The following CISTR variants were observed in gnomAD, a reference collection of about 807,000 sequenced individuals.
CISTR encodes the protein chondrogenic regulator lncRNA.
intron 2 of CISTR, among the ~76,000 whole-genome samples, chr12:53,748,726 ACCAGGGCCAGGG>A (rs1191808385): frequency 1.3e-5 from 2 of 151,876 alleles, no homozygotes; most frequent in Non-Finnish European, 2.9e-5. Context: ...CAGGGCCAGG[ACCAGGGCCAGGG>A]CCAGGGCCGA....
chr12:53,752,098 G>T (rs1466404043), intron 1 of CISTR, among the ~76,000 whole-genome samples: 2 of 151,996 alleles, frequency 1.3e-5, no homozygotes, highest in African/African-American at 4.8e-5. Context: ...GCCCGCTGGC[G>T]CTGCCTACAC....
chr12:53,746,801 C>T (rs950167130), exon 3 of CISTR, among the ~76,000 whole-genome samples: 1 of 152,176 alleles, frequency 6.6e-6, no homozygotes, highest in South Asian at 2.1e-4. Context: ...CTTCGCAGAT[C>T]GCTGCTGAGA....
Position 53,755,723 on chromosome 12 carries a change from C to T in CISTR, n.414+1091G>A, listed in dbSNP as rs137877691. 877 of 152,522 alleles carry T rather than the reference C, an allele frequency of 5.7e-3. 5 individuals are homozygous for T. Among genetic ancestry groups the T allele is most frequent in the Middle Eastern group, 0.017 (5 of 294 alleles). The allele number at this position is 152,522 out of a possible 1,614,324, so 9.4% of individuals were successfully genotyped here. A position where few individuals can be genotyped will look rare whatever the true frequency, so the allele number is the denominator to read the frequency against. On this transcript the variant is annotated intron_variant and non_coding_transcript_variant, in intron 1 of 2. Transcript: ENST00000669269. ...GCGTCTCTGGAGGGTCCCCTCTCTA[C>T]GCTCTTTGCCCATCCCAGCCTTTGG...
At chr12:53,746,677 C>T (rs981250979) in exon 3 of CISTR, among the ~76,000 whole-genome samples, 3 of 152,252 alleles carry the variant, frequency 2.0e-5, no homozygotes, top group African/African-American at 4.8e-5. Flanking sequence ...TAAAGACGTC[C>T]CCGGCCTAGG....
In CISTR at chr12:53,751,924, G is replaced by A. The variant is rs1300878017; in HGVS notation, n.415-959C>T. On this transcript the variant is annotated intron_variant and non_coding_transcript_variant, in intron 1 of 2. Coordinates refer to ENST00000669269, the Ensembl canonical transcript of CISTR. The surrounding 1 kb of genome is among the most constrained non-coding windows in gnomAD (Gnocchi z 4.6). The stretch of plus-strand genomic sequence containing the variant: ...TGACTCCAGCTCCCCCTCGGTGCCC[G>A]TAACCCTCCTTTCCTCTTTTTGCCG... 2.0e-5 allele frequency: 3 copies of A among 153,098 alleles called. No homozygotes were observed. Among genetic ancestry groups the A allele is most frequent in the Admixed American group, 1.3e-4 (2 of 15,266 alleles). 9.5% of individuals were successfully genotyped at this position (153,098 alleles called of 1,614,324 possible).
At chr12:53,755,608 C>A (rs1937905885) in intron 1 of CISTR, among the ~76,000 whole-genome samples, 1 of 151,882 alleles carries the variant, frequency 6.6e-6, no homozygotes. Context: ...TTACAGTAAG[C>A]CCTGAACATT....
In CISTR at chr12:53,753,450, C is replaced by G. The variant is rs1410617231; in HGVS notation, n.415-2485G>C. On this transcript the variant is annotated intron_variant and non_coding_transcript_variant, in intron 1 of 2. Coordinates refer to ENST00000669269, the Ensembl canonical transcript of CISTR. Reference sequence around the variant, plus strand: ...CCTGTGACTCTGGCACTGGGGAGACCAGGAATGACCAAACAAGAAAGGGTG... The same window carrying G: ...CCTGTGACTCTGGCACTGGGGAGACGAGGAATGACCAAACAAGAAAGGGTG... 3.3e-5 allele frequency among the ~76,000 whole-genome samples: 5 copies of G among 152,254 alleles called. No individual in the cohort carries two copies. In the East Asian group the frequency reaches 9.7e-4, roughly 29 times the overall value.
chr12:53,754,495 G>A (rs1471634314), intron 1 of CISTR: 1 of 152,128 alleles, frequency 6.6e-6, no homozygotes, highest in Non-Finnish European at 1.5e-5. Context: ...CTACTTACCA[G>A]TTCCGTGACC....
chr12:53,752,296 C>T (rs1413659098), intron 1 of CISTR, among the ~76,000 whole-genome samples: 1 of 152,222 alleles, frequency 6.6e-6, no homozygotes, highest in Non-Finnish European at 1.5e-5. Flanking sequence ...CTCTTCTGGA[C>T]CGATCCAACC....
rs147351132 is a variant in CISTR, at chr12:53,751,206, C to T, written n.415-241G>A. ...ACACACACACACTCTCTCCTGGCCT[C>T]CCTCCCGCCGCCCCTCCTCTGAGCC... On this transcript the variant is annotated intron_variant and non_coding_transcript_variant, in intron 1 of 2. Transcript: ENST00000669269. This position sits in a 1 kb window ranked among gnomAD's most constrained non-coding sequence, Gnocchi z 4.6. Among the ~76,000 whole-genome samples, 2 of 152,302 alleles carry T rather than the reference C, an allele frequency of 1.3e-5. No homozygotes were observed. The highest frequency in any genetic ancestry group is 2.1e-4 in the South Asian group (1 of 4,826).
In CISTR at chr12:53,751,265, G is replaced by A. The variant is rs1937847013; in HGVS notation, n.415-300C>T. The stretch of plus-strand genomic sequence containing the variant: ...CGGCCTTCCGCACCTCCCAACGCCT[G>A]CAGGGGTTGGGGGCGCTGGGGCTCG... On this transcript the variant is annotated intron_variant and non_coding_transcript_variant, in intron 1 of 2. Coordinates refer to ENST00000669269, the Ensembl canonical transcript of CISTR. This position sits in a 1 kb window ranked among gnomAD's most constrained non-coding sequence, Gnocchi z 4.6. 6.6e-6 allele frequency among the ~76,000 whole-genome samples: 1 copy of A among 152,128 alleles called. No homozygotes were observed. Among genetic ancestry groups the A allele is most frequent in the African/African-American group, 2.4e-5 (1 of 41,432 alleles).
At chr12:53,749,735 A>G (rs1937825517) in intron 2 of CISTR, among the ~76,000 whole-genome samples, 1 of 152,124 alleles carries the variant, frequency 6.6e-6, no homozygotes, top group African/African-American at 2.4e-5. Context: ...CCAGAGGCAA[A>G]TTTGTATCCT....
chr12:53,749,064 C>T (rs1358069478), intron 2 of CISTR, among the ~76,000 whole-genome samples: 1 of 151,878 alleles, frequency 6.6e-6, no homozygotes, highest in East Asian at 1.9e-4. Context: ...ACCAGACAGC[C>T]ACACACCCTC....
intron 1 of CISTR, among the ~76,000 whole-genome samples, chr12:53,753,052 TCACACACACACA>T (rs760615546): frequency 1.6e-5 from 2 of 121,246 alleles, no homozygotes; most frequent in Non-Finnish European, 3.7e-5. Flanking sequence ...CATCTATACA[TCACACACACACA>T]CACACACACA....
chr12:53,751,648 G>C lies in CISTR; in HGVS notation n.415-683C>G, dbSNP rs953683644. 6.6e-6 allele frequency: 1 copy of C among 152,236 alleles called. No individual in the cohort carries two copies. Among genetic ancestry groups the C allele is most frequent in the Non-Finnish European group, 1.5e-5 (1 of 68,116 alleles). 9.4% of individuals were successfully genotyped at this position (152,236 alleles called of 1,614,324 possible). On this transcript the variant is annotated intron_variant and non_coding_transcript_variant, in intron 1 of 2. Coordinates refer to ENST00000669269, the Ensembl canonical transcript of CISTR. The surrounding 1 kb of genome is among the most constrained non-coding windows in gnomAD (Gnocchi z 4.6). Reference sequence around the variant, plus strand: ...CACTGGCTGGGCCGGGAGTGGGGTCGGGGGTGCGTGCGGGTGCGATCCGGG... The same window carrying C: ...CACTGGCTGGGCCGGGAGTGGGGTCCGGGGTGCGTGCGGGTGCGATCCGGG...
At chr12:53,747,560 T>A (rs1937797099) in intron 2 of CISTR, among the ~76,000 whole-genome samples, 2 of 152,060 alleles carry the variant, frequency 1.3e-5, no homozygotes. Flanking sequence ...GATTTGATGA[T>A]TACTGGGATG....
intron 1 of CISTR, among the ~76,000 whole-genome samples, chr12:53,752,362 A>C (rs1480460865): frequency 6.6e-6 from 1 of 151,558 alleles, no homozygotes; most frequent in Non-Finnish European, 1.5e-5. Context: ...AGCTGCAGAC[A>C]CTGCTTGCTG....
intron 1 of CISTR, among the ~76,000 whole-genome samples, chr12:53,753,024 AC>A (rs2120738037): frequency 6.6e-6 from 1 of 150,604 alleles, no homozygotes; most frequent in Non-Finnish European, 1.5e-5. Flanking sequence ...AGAACCTCAT[AC>A]CATCATACTT....
chr12:53,751,640 G>A lies in CISTR; in HGVS notation n.415-675C>T, dbSNP rs1937852636. On this transcript the variant is annotated intron_variant and non_coding_transcript_variant, in intron 1 of 2. Transcript: ENST00000669269. The surrounding 1 kb of genome is among the most constrained non-coding windows in gnomAD (Gnocchi z 4.6). ...GCGCCGAGCACTGGCTGGGCCGGGA[G>A]TGGGGTCGGGGGTGCGTGCGGGTGC... 1 of 152,292 alleles carries A rather than the reference G, an allele frequency of 6.6e-6. No homozygotes were observed. Among genetic ancestry groups the A allele is most frequent in the African/African-American group, 2.4e-5 (1 of 41,428 alleles). The allele number at this position is 152,292 out of a possible 1,614,324, so 9.4% of individuals were successfully genotyped here. A position where few individuals can be genotyped will look rare whatever the true frequency, so the allele number is the denominator to read the frequency against.
Sources: allele counts gnomAD v4.1 joint callset (sites outside exome capture counted in the v4.1 genomes callset), GRCh38; gene constraint gnomAD v4.1.1; non-coding constraint Gnocchi (gnomAD v3.1); transcripts MANE v1.5; gene names NCBI Gene and HGNC (gene_info 2026-07-23, HGNC 2026-07-21).